The following VMP1 variants were observed in gnomAD, a reference collection of about 807,000 sequenced individuals.
VMP1 encodes vacuole membrane protein 1.
A neutral mutation model predicts 56.0 loss-of-function variants in VMP1; 11 were observed. That is an observed-to-expected ratio of 0.20 (90% CI 0.12 to 0.32). The LOEUF (loss-of-function observed/expected upper bound fraction) is 0.32. VMP1 is among the 10% of genes least tolerant of loss of function. The pLI is 1.00. For synonymous variants in VMP1, 149 were observed against 165.0 expected (o/e 0.90, Z 0.74); for missense variants, 296 against 490.3 (o/e 0.60, Z 3.74).
chr17:59,785,050 A>G (rs2036960478), intron 7 of VMP1: 2 of 152,226 alleles, frequency 1.3e-5, no homozygotes, highest in African/African-American at 2.4e-5. Flanking sequence ...TTGAAAAATA[A>G]AAGAACTTAT....
chr17:59,738,443 T>C (rs913544382), intron 4 of VMP1, among the ~76,000 whole-genome samples: 3 of 152,236 alleles, frequency 2.0e-5, no homozygotes, highest in African/African-American at 7.2e-5. Context: ...GAAATGACTC[T>C]AGAATGGTAT....
chr17:59,773,627 A>G (rs1417131149), intron 6 of VMP1, 127 bp from the exon 7 acceptor site: 3 of 887,342 alleles, frequency 3.4e-6, no homozygotes, highest in East Asian at 2.7e-5. Context: ...ATTATGTAGC[A>G]TATGCTTTCC....
At chr17:59,824,772 C>A (rs550746941) in intron 10 of VMP1, among the ~76,000 whole-genome samples, 17 of 149,152 alleles carry the variant, frequency 1.1e-4, no homozygotes, top group African/African-American at 4.0e-4. Flanking sequence ...ACTCAAGAGG[C>A]TGAGGTGGGA....
At chr17:59,737,594 T>G (rs764829047) in intron 4 of VMP1, 51 bp downstream of exon 4, 3 of 1,483,978 alleles carry the variant, frequency 2.0e-6, no homozygotes, top group Non-Finnish European at 9.2e-7. Flanking sequence ...TCTAATTCTC[T>G]AATCTCAGTT....
intron 5 of VMP1, among the ~76,000 whole-genome samples, chr17:59,749,554 A>G (rs190767874): frequency 4.3e-4 from 65 of 151,242 alleles, no homozygotes; most frequent in Non-Finnish European, 8.6e-4. Flanking sequence ...TCTGTCACCC[A>G]AACTGGAGTG....
chr17:59,728,355 A>G (rs1760065867), intron 1 of VMP1, among the ~76,000 whole-genome samples: 1 of 152,220 alleles, frequency 6.6e-6, no homozygotes, highest in South Asian at 2.1e-4. Context: ...GTATTTGTTC[A>G]GTGAATAGGT....
intron 10 of VMP1, among the ~76,000 whole-genome samples, chr17:59,826,290 T>C (rs2038643688): frequency 6.6e-6 from 1 of 152,216 alleles, no homozygotes; most frequent in East Asian, 1.9e-4. Context: ...GGAGTTAGAC[T>C]GTTAGATGAG....
intron 5 of VMP1, among the ~76,000 whole-genome samples, chr17:59,747,560 C>T (rs1279398351): frequency 2.0e-5 from 3 of 151,590 alleles, no homozygotes; most frequent in African/African-American, 4.8e-5. Context: ...CAGTCGCGTG[C>T]CACTACCGCC....
At chr17:59,764,885 C>A in intron 5 of VMP1, 86 bp from the exon 6 acceptor site, 1 of 1,012,416 alleles carries the variant, frequency 9.9e-7, no homozygotes, top group African/African-American at 1.7e-5. Context: ...ATTTTTCTTA[C>A]ACAGTAATTA....
Position 59,757,859 on chromosome 17 carries a change from CTTTTTTTTTTT to C in VMP1, c.415-7097_415-7087del, listed in dbSNP as rs66605258. Among the ~76,000 whole-genome samples the C allele has an allele frequency of 8.4e-3, 770 of 91,316 alleles. 9 individuals are homozygous for C. Among genetic ancestry groups the C allele is most frequent in the African/African-American group, 0.031 (738 of 24,124 alleles). 59.9% of individuals were successfully genotyped at this position (91,316 alleles called of 152,430 possible). ...AAATAAAACAGACCTTTATTTGCCA[CTTTTTTTTTTT>C]TTTTTTTTTTTTTTAAGACAGGGTC... On this transcript the variant is annotated intron_variant, in intron 5 of 11. Coordinates refer to ENST00000262291, the MANE Select transcript of VMP1 (RefSeq NM_030938.5).
chr17:59,725,184 T>C (rs1259091711), intron 1 of VMP1, among the ~76,000 whole-genome samples: 1 of 152,028 alleles, frequency 6.6e-6, no homozygotes, highest in Admixed American at 6.6e-5. Context: ...TAATAATAAC[T>C]GGCACATAAT....
intron 7 of VMP1, among the ~76,000 whole-genome samples, chr17:59,778,071 A>G (rs1718863800): frequency 6.6e-6 from 1 of 151,992 alleles, no homozygotes; most frequent in African/African-American, 2.4e-5. Flanking sequence ...TATCTATGAG[A>G]TTTCCCAAGT....
At chr17:59,728,718 A>ATAT (rs2034703193) in intron 1 of VMP1, among the ~76,000 whole-genome samples, 1 of 152,094 alleles carries the variant, frequency 6.6e-6, no homozygotes, top group Non-Finnish European at 1.5e-5. Context: ...TAATCTATGA[A>ATAT]TATATTATTC....
intron 5 of VMP1, among the ~76,000 whole-genome samples, chr17:59,760,249 T>C (rs2036002101): frequency 2.6e-5 from 4 of 152,196 alleles, no homozygotes; most frequent in Admixed American, 2.6e-4. Flanking sequence ...CTTATAATAG[T>C]GTTCTTCATT....
intron 4 of VMP1, among the ~76,000 whole-genome samples, chr17:59,738,486 T>A (rs974249241): frequency 6.6e-6 from 1 of 152,168 alleles, no homozygotes; most frequent in African/African-American, 2.4e-5. Context: ...CACAGAGAAG[T>A]TTTTACAGTT....
intron 6 of VMP1, 132 bp downstream of exon 6, chr17:59,765,270 C>T: frequency 9.3e-7 from 1 of 1,069,768 alleles, no homozygotes; most frequent in African/African-American, 1.6e-5. Context: ...TACCTACTTC[C>T]AAGGCAAAAG....
chr17:59,724,965 CA>C (rs11320704), intron 1 of VMP1, among the ~76,000 whole-genome samples: 60,260 of 132,630 alleles, frequency 0.45, 14,472 homozygotes, highest in African/African-American at 0.69. Flanking sequence ...GACTCTGTCT[CA>C]AAAAAAAAAA....
intron 5 of VMP1, among the ~76,000 whole-genome samples, chr17:59,739,177 G>A (rs1249187186): frequency 1.3e-5 from 2 of 152,086 alleles, no homozygotes; most frequent in African/African-American, 4.8e-5. Flanking sequence ...AAATAAGGTT[G>A]TTTATTTAAA....
chr17:59,767,563 T>G (rs1023058011), intron 6 of VMP1, among the ~76,000 whole-genome samples: 2 of 152,226 alleles, frequency 1.3e-5, no homozygotes, highest in Non-Finnish European at 2.9e-5. Context: ...CTTAATATTA[T>G]ACTTTTGTTC....
Sources: allele counts gnomAD v4.1 joint callset (sites outside exome capture counted in the v4.1 genomes callset), GRCh38; gene constraint gnomAD v4.1.1; transcripts MANE v1.5; gene names NCBI Gene and HGNC (gene_info 2026-07-23, HGNC 2026-07-21).